The following ASAP2 variants were observed in gnomAD, a reference collection of about 807,000 sequenced individuals.
The protein encoded by ASAP2 is ArfGAP with SH3 domain, ankyrin repeat and PH domain 2.
ASAP2 carries 45 observed loss-of-function variants against 131.4 expected under a neutral mutation model. The observed-to-expected ratio is 0.34, with a 90% CI of 0.27 to 0.44. The LOEUF (loss-of-function observed/expected upper bound fraction) is 0.44, where lower values mean the gene tolerates loss of function less well. Among genes scored for constraint, ASAP2 ranks in the 20% least tolerant of loss-of-function variants. The pLI, the probability that ASAP2 is intolerant of heterozygous loss-of-function variation, is 1.00. For missense variants in ASAP2, 1,011 were observed against 1,297.0 expected (o/e 0.78, Z 3.39); for synonymous variants, 510 against 503.0 (o/e 1.01, Z -0.19).
intron 1 of ASAP2, among the ~76,000 whole-genome samples, chr2:9,272,441 A>T (rs1297436167): frequency 6.6e-6 from 1 of 152,136 alleles, no homozygotes; most frequent in African/African-American, 2.4e-5. Context: ...TGAGCTTCTT[A>T]CATATTTTGG....
intron 1 of ASAP2, among the ~76,000 whole-genome samples, chr2:9,263,744 G>T (rs905211549): frequency 1.3e-5 from 2 of 152,150 alleles, no homozygotes; most frequent in Admixed American, 6.5e-5. Flanking sequence ...GAGCTACATG[G>T]GTTCTTTTCT....
rs34360769 is a variant in ASAP2 at position 9,314,922 on chromosome 2, CAAAAA to C, written c.346-3585_346-3581del. On this transcript the variant is annotated intron_variant, in intron 3 of 27. Transcript: ENST00000281419. The stretch of plus-strand genomic sequence containing the variant: ...CTCCAGCCTGGGTGAGACTCCATCT[CAAAAA>C]AAAAAAAAAAAAAAAATAGAAAAGA... 2.3e-3 allele frequency among the ~76,000 whole-genome samples: 240 copies of C among 102,294 alleles called. 3 individuals carry two copies. Among genetic ancestry groups the C allele is most frequent in the African/African-American group, 7.3e-3 (199 of 27,146 alleles). 67.1% of individuals were successfully genotyped at this position (102,294 alleles called of 152,430 possible). A position where few individuals can be genotyped will look rare whatever the true frequency, so the allele number is the denominator to read the frequency against.
intron 14 of ASAP2, among the ~76,000 whole-genome samples, chr2:9,356,720 C>G (rs1357083140): frequency 1.3e-5 from 2 of 152,148 alleles, no homozygotes; most frequent in Non-Finnish European, 2.9e-5. Flanking sequence ...CTCCCTTTAT[C>G]CTACTTTGCA....
intron 1 of ASAP2, among the ~76,000 whole-genome samples, chr2:9,272,247 C>T (rs1247827956): frequency 6.6e-6 from 1 of 152,204 alleles, no homozygotes; most frequent in Non-Finnish European, 1.5e-5. Context: ...TGCCTATAAA[C>T]CATTTTAACT....
rs1661175361 is a variant in ASAP2 at position 9,207,240 on chromosome 2, C to A, written c.126+10C>A. On this transcript the variant is annotated intron_variant, in intron 1 of 27. Transcript: ENST00000281419. The surrounding 1 kb of genome is among the most constrained non-coding windows in gnomAD (Gnocchi z 4.1). ...GGCGGCCATCGAGGAGGTGAGGCGG[C>A]CTGCGCGGCGGCTCCGGCCGCAGGT... 3.2e-6 allele frequency: 5 copies of A among 1,565,138 alleles called. No homozygotes were observed. The highest frequency in any genetic ancestry group is 4.3e-6 in the Non-Finnish European group (5 of 1,159,100).
Position 9,340,794 on chromosome 2 carries a change from C to A in ASAP2, c.850-3738C>A, listed in dbSNP as rs916660166. 3.3e-5 allele frequency among the ~76,000 whole-genome samples: 5 copies of A among 152,206 alleles called. No individual in the cohort carries two copies. In the South Asian group the frequency reaches 8.3e-4, roughly 25 times the overall value. ...TCAAGGATTCTACTGGTCATCTGGG[C>A]AGATTCTGTGTTGGCCAGACCCAAT... On this transcript the variant is annotated intron_variant, in intron 9 of 27. Transcript: ENST00000281419.
chr2:9,215,665 G>GT (rs34518071), intron 1 of ASAP2, among the ~76,000 whole-genome samples: 86,353 of 136,480 alleles, frequency 0.63, 28,307 homozygotes, highest in African/African-American at 0.84. Context: ...TGTTTAGCTA[G>GT]TTTTTTTTTT....
chr2:9,338,752 G>T (rs1267061895), intron 9 of ASAP2, among the ~76,000 whole-genome samples: 3 of 152,218 alleles, frequency 2.0e-5, no homozygotes, highest in African/African-American at 7.2e-5. Flanking sequence ...AGCAATTGGG[G>T]TGCAGTGTAA....
At chr2:9,227,436 C>T (rs1418590617) in intron 1 of ASAP2, among the ~76,000 whole-genome samples, 1 of 152,168 alleles carries the variant, frequency 6.6e-6, no homozygotes, top group Admixed American at 6.6e-5. Flanking sequence ...TTCCTAAAAC[C>T]GAACTGCAAA....
chr2:9,264,525 G>A (rs928005937), intron 1 of ASAP2, among the ~76,000 whole-genome samples: 1 of 152,200 alleles, frequency 6.6e-6, no homozygotes, highest in Admixed American at 6.5e-5. Flanking sequence ...CTGTATTCAT[G>A]TGCTGTTCCT....
intron 3 of ASAP2, among the ~76,000 whole-genome samples, chr2:9,317,088 C>T (rs767976112): frequency 1.8e-4 from 21 of 117,070 alleles, no homozygotes; most frequent in Non-Finnish European, 3.9e-4. Context: ...CATCCACACA[C>T]ACACTCAACC....
Position 9,212,409 on chromosome 2 carries a change from A to G in ASAP2, c.126+5179A>G, listed in dbSNP as rs116557420. On this transcript the variant is annotated intron_variant, in intron 1 of 27. Transcript: ENST00000281419. The stretch of plus-strand genomic sequence containing the variant: ...TACCGTTGAGTCTTGAAGTCCAGGC[A>G]GTTACCTGTGGGTTACCAAATGCTA... Among the ~76,000 whole-genome samples, 284 of 152,144 alleles carry G rather than the reference A, an allele frequency of 1.9e-3. 3 individuals carry two copies. Among genetic ancestry groups the G allele is most frequent in the African/African-American group, 6.5e-3 (271 of 41,522 alleles).
chr2:9,250,936 C>T (rs926863728), intron 1 of ASAP2, among the ~76,000 whole-genome samples: 1 of 152,150 alleles, frequency 6.6e-6, no homozygotes, highest in Non-Finnish European at 1.5e-5. Flanking sequence ...AACTATGAAA[C>T]GAGGCGTGGT....
intron 18 of ASAP2, 138 bp from the exon 19 acceptor site, chr2:9,378,806 G>T: frequency 2.0e-6 from 1 of 501,636 alleles, no homozygotes; most frequent in Non-Finnish European, 3.3e-6. Context: ...CCACCACCTT[G>T]GCGATGATTT....
At chr2:9,257,584 T>C (rs1420094465) in intron 1 of ASAP2, among the ~76,000 whole-genome samples, 2 of 152,182 alleles carry the variant, frequency 1.3e-5, no homozygotes, top group African/African-American at 4.8e-5. Context: ...AGTGGCACGA[T>C]CTCCATTCAC....
intron 3 of ASAP2, among the ~76,000 whole-genome samples, chr2:9,314,524 C>T (rs1383061431): frequency 1.3e-5 from 2 of 152,186 alleles, no homozygotes; most frequent in Non-Finnish European, 2.9e-5. Context: ...GGCCAAGCCC[C>T]ATGCTAAGAG....
At chr2:9,388,242 A>G in intron 21 of ASAP2, 52 bp from the exon 22 acceptor site, 1 of 1,603,934 alleles carries the variant, frequency 6.2e-7, no homozygotes, top group South Asian at 1.1e-5. Flanking sequence ...TGTTATCACC[A>G]GGAGCAGTTC....
At chr2:9,397,416 G>A (rs1676234972) in intron 24 of ASAP2, among the ~76,000 whole-genome samples, 2 of 152,120 alleles carry the variant, frequency 1.3e-5, no homozygotes, top group African/African-American at 4.8e-5. Flanking sequence ...AGGGAAGCAG[G>A]GCAAGTGAGG....
chr2:9,331,660 C>T (rs1257671785), intron 7 of ASAP2, among the ~76,000 whole-genome samples: 1 of 152,068 alleles, frequency 6.6e-6, no homozygotes, highest in African/African-American at 2.4e-5. Context: ...CCCGGCTACT[C>T]GGGAGACTGA....
Sources: gnomAD v4.1 joint callset for allele counts (sites outside exome capture counted in the v4.1 genomes callset) on GRCh38, gnomAD v4.1.1 for gene constraint, Gnocchi (gnomAD v3.1) non-coding constraint, MANE v1.5 for transcripts, NCBI Gene and HGNC (gene_info 2026-07-23, HGNC 2026-07-21) for gene names.